WDR62: variants seen among roughly 807,000 people sequenced by gnomAD.
The protein encoded by WDR62 is WD repeat-containing protein 62.
Under a neutral mutation model 160.6 loss-of-function variants are expected in WDR62, and 112 were observed. The observed-to-expected ratio is 0.70, with a 90% CI of 0.60 to 0.82. WDR62 has a LOEUF of 0.82. Ranked by LOEUF, WDR62 falls within the 40% of genes least tolerant of loss-of-function variation. The probability of loss-of-function intolerance (pLI) is 0.00; values close to 1 mark genes in which losing one functional copy is unlikely to be tolerated. For missense variants in WDR62, 1,819 were observed against 1,983.8 expected (o/e 0.92, Z 1.58); for synonymous variants, 792 against 815.1 (o/e 0.97, Z 0.48).
chr19:36,101,428 G>A, intron 24 of WDR62, 111 bp downstream of exon 24: 3 of 1,039,466 alleles, frequency 2.9e-6, no homozygotes, highest in Non-Finnish European at 4.4e-6. Flanking sequence ...GTCTGTCGAG[G>A]AAGACACATG....
rs761188407 is a variant in WDR62, at chr19:36,057,012, G to A, written c.178-1768G>A. Among the ~76,000 whole-genome samples, 102 of 151,868 alleles carry A rather than the reference G, an allele frequency of 6.7e-4. 1 individual carries two copies. Among genetic ancestry groups the A allele is most frequent in the Admixed American group, 1.3e-4 (2 of 15,248 alleles). On this transcript the variant is annotated intron_variant, in intron 1 of 31. Transcript: ENST00000401500. ...TGTTTTCTGGTAGAGACAGGGTCTC[G>A]CCGTGTTGGCCAGGCTGGTCTTGAA...
rs777902492 is a variant in WDR62 at position 36,089,261 on chromosome 19, T to A, written c.1913T>A (p.Ile638Asn). Residue 638 changes from isoleucine to asparagine, a missense_variant, in exon 15 of 32, where the codon ATC becomes AAC. By Grantham distance (149) the Ile-to-Asn change is moderately radical. Around this residue, in one of 3 missense-constraint regions of WDR62, gnomAD observed 934 missense variants for 1,157.2 expected, o/e 0.81. Transcript: ENST00000401500. ...ACCTTGTATGACATGGACATTGACA[T>A]CACCCAGAAGTACGTGGCCGTGGCC... ...KTTLYDMDIDITQKYVAVACQ... is the reference protein window; with the variant it reads ...KTTLYDMDIDNTQKYVAVACQ... 21 of 1,614,186 alleles carry A rather than the reference T, an allele frequency of 1.3e-5. No homozygotes were observed. The highest frequency in any genetic ancestry group is 2.5e-6 in the Non-Finnish European group (3 of 1,180,032).
At chr19:36,072,360 G>T (rs377041017) in intron 8 of WDR62, among the ~76,000 whole-genome samples, 1 of 152,180 alleles carries the variant, frequency 6.6e-6, no homozygotes, top group Non-Finnish European at 1.5e-5. Context: ...CCAGAGCCCA[G>T]TGTGTCCGGG....
intron 12 of WDR62, among the ~76,000 whole-genome samples, chr19:36,085,831 A>C (rs1428566095): frequency 6.6e-6 from 1 of 152,048 alleles, no homozygotes; most frequent in Non-Finnish European, 1.5e-5. Context: ...TATATGGATG[A>C]TATATGGTAG....
At chr19:36,108,252 G>A (rs1272299986), downstream of WDR62, among the ~76,000 whole-genome samples, 4 of 152,056 alleles carry the variant, frequency 2.6e-5, no homozygotes, top group African/African-American at 4.8e-5. Flanking sequence ...AGGTGACCCC[G>A]CCTCCAGTCA....
chr19:36,085,881 G>A (rs147005795), intron 12 of WDR62, among the ~76,000 whole-genome samples: 1 of 151,888 alleles, frequency 6.6e-6, no homozygotes, highest in Non-Finnish European at 1.5e-5. Flanking sequence ...TAGCATAGAA[G>A]GTATTGCACG....
At chr19:36,070,265 TCTC>T (rs1253189076) in intron 7 of WDR62, 1 of 151,378 alleles carries the variant, frequency 6.6e-6, no homozygotes, top group Non-Finnish European at 1.5e-5. Flanking sequence ...TTCAAGCAAT[TCTC>T]CTGCCTCAGC....
At chr19:36,108,727 G>A (rs781329036), downstream of WDR62, among the ~76,000 whole-genome samples, 5 of 151,874 alleles carry the variant, frequency 3.3e-5, no homozygotes, top group Non-Finnish European at 7.4e-5. Context: ...GGTGGTGCAC[G>A]CCTGTAGTCC....
intron 9 of WDR62, among the ~76,000 whole-genome samples, chr19:36,075,794 G>T (rs1971543255): frequency 1.3e-5 from 2 of 152,082 alleles, no homozygotes; most frequent in Non-Finnish European, 2.9e-5. Flanking sequence ...ATTTATTGAG[G>T]GTTGCAATAT....
chr19:36,075,283 C>T (rs1193358449), intron 9 of WDR62: 2 of 152,290 alleles, frequency 1.3e-5, no homozygotes, highest in African/African-American at 4.8e-5. Context: ...ATCCGCCTGC[C>T]TTGGCCTCCC....
rs760863920 is a variant in WDR62 at position 36,067,981 on chromosome 19, A to T, written c.853A>T (p.Arg285Trp). 1 of 1,614,074 alleles carries T rather than the reference A, an allele frequency of 6.2e-7. No individual in the cohort carries two copies. Among genetic ancestry groups the T allele is most frequent in the South Asian group, 1.1e-5 (1 of 91,048 alleles). The change falls in exon 7 of 32, where the codon AGG (arginine) becomes TGG (tryptophan). Residue 285 changes from arginine to tryptophan, a missense_variant. Arg to Trp is a moderately radical substitution (Grantham distance 101, BLOSUM62 -3). Around this residue, in one of 3 missense-constraint regions of WDR62, gnomAD observed 934 missense variants for 1,157.2 expected, o/e 0.81. Coordinates refer to ENST00000401500, the MANE Select transcript of WDR62 (RefSeq NM_001083961.2). Reference protein sequence around the residue: ...SGLLCQFNEKRVLEKWINLKV... With the variant: ...SGLLCQFNEKWVLEKWINLKV... ...CCTCCTCTGCCAGTTCAATGAGAAGAGGGTGCTGGAGAAGTGGATCAACCT... is the reference window on the plus strand; with the variant it reads ...CCTCCTCTGCCAGTTCAATGAGAAGTGGGTGCTGGAGAAGTGGATCAACCT...
intron 26 of WDR62, 152 bp downstream of exon 26, chr19:36,102,303 C>T: frequency 8.6e-7 from 1 of 1,164,900 alleles, no homozygotes; most frequent in South Asian, 1.3e-5. Context: ...GCTCTGTTGC[C>T]AGGCTGGAGT....
intron 16 of WDR62, among the ~76,000 whole-genome samples, chr19:36,090,760 C>A (rs1972547510): frequency 6.6e-6 from 1 of 152,194 alleles, no homozygotes; most frequent in Admixed American, 6.5e-5. Context: ...TTTTGAGTGG[C>A]AGCAGGGTAT....
intron 16 of WDR62, 112 bp from the exon 17 acceptor site, chr19:36,091,088 C>A: frequency 1.1e-6 from 1 of 908,516 alleles, no homozygotes; most frequent in Non-Finnish European, 1.8e-6. Flanking sequence ...GAGCTCCTGC[C>A]CTGCCAGAGT....
intron 1 of WDR62, among the ~76,000 whole-genome samples, chr19:36,056,767 T>C (rs1047027060): frequency 6.6e-6 from 1 of 151,854 alleles, no homozygotes; most frequent in African/African-American, 2.4e-5. Context: ...GCTTAAACTT[T>C]AGTCCTGTTC....
chr19:36,097,690 C>T (rs1320588862), intron 21 of WDR62, among the ~76,000 whole-genome samples: 1 of 151,888 alleles, frequency 6.6e-6, no homozygotes, highest in Non-Finnish European at 1.5e-5. Flanking sequence ...TCAAGACCAG[C>T]CTGAGCAATA....
At position 36,066,256 on chromosome 19, in the gene WDR62, GAAT is replaced by G; in HGVS notation, c.391_393del (p.Asn131del). On this transcript the variant is annotated inframe_deletion and splice_region_variant, in exon 5 of 32. Coordinates refer to ENST00000401500, the MANE Select transcript of WDR62 (RefSeq NM_001083961.2). ...AGCAGTAACGACCCCACCTTCCCTA[GAAT>G]GGGCATAGGCCTGCTGTGCGCATCT... 1 of 1,614,158 alleles carries G rather than the reference GAAT, an allele frequency of 6.2e-7. No individual in the cohort carries two copies. The highest frequency in any genetic ancestry group is 1.3e-5 in the African/African-American group (1 of 75,058).
Position 36,103,326 on chromosome 19 carries a change from A to G in WDR62, c.3515-17A>G, listed in dbSNP as rs746481860. On this transcript the variant is annotated splice_polypyrimidine_tract_variant and intron_variant, in intron 29 of 31. Transcript: ENST00000401500. ...AGTTCTGTGTGGTGGAGTCAGTGCC[A>G]TCTGCTTCCGTTACAGCTCCCTGCC... is the stretch of plus-strand genomic sequence containing the variant. 3 of 1,613,406 alleles carry G rather than the reference A, an allele frequency of 1.9e-6. No homozygotes were observed. Among genetic ancestry groups the G allele is most frequent in the South Asian group, 1.1e-5 (1 of 91,074 alleles).
intron 12 of WDR62, among the ~76,000 whole-genome samples, 156 bp from the exon 13 acceptor site, chr19:36,086,531 G>A (rs1555718385): frequency 6.6e-6 from 1 of 152,176 alleles, no homozygotes; most frequent in Non-Finnish European, 1.5e-5. Context: ...ACAGAGCTAA[G>A]GGAGTGGCCC....
Sources: gnomAD v4.1 joint callset for allele counts (sites outside exome capture counted in the v4.1 genomes callset) on GRCh38, gnomAD v4.1.1 for gene constraint, gnomAD v4.1.1 regional missense constraint, MANE v1.5 for transcripts, NCBI Gene and HGNC (gene_info 2026-07-23, HGNC 2026-07-21) for gene names.